Variants in FHIT observed in about 807,000 individuals in gnomAD.
FHIT encodes fragile histidine triad diadenosine triphosphatase.
FHIT carries 19 observed loss-of-function variants against 17.9 expected under a neutral mutation model. The observed-to-expected ratio is 1.06, with a 90% CI of 0.74 to 1.56. The LOEUF (loss-of-function observed/expected upper bound fraction) is 1.56, where lower values mean the gene tolerates loss of function less well. FHIT is among the 40% of genes most tolerant of loss of function. The pLI, the probability that FHIT is intolerant of heterozygous loss-of-function variation, is 0.00. For missense variants in FHIT, 248 were observed against 189.2 expected (o/e 1.31, Z -1.82); for synonymous variants, 81 against 69.7 (o/e 1.16, Z -0.81).
At chr3:60,633,459 A>T (rs927889200) in intron 4 of FHIT, among the ~76,000 whole-genome samples, 2 of 152,232 alleles carry the variant, frequency 1.3e-5, no homozygotes, top group Non-Finnish European at 2.9e-5. Context: ...TTAAGTATAA[A>T]GCGGTAATCT....
chr3:60,049,003 C>CA (rs1312140626), intron 5 of FHIT, among the ~76,000 whole-genome samples: 1 of 152,198 alleles, frequency 6.6e-6, no homozygotes, highest in Non-Finnish European at 1.5e-5. Context: ...TAACCCACAG[C>CA]ACACCAGCAG....
At chr3:60,241,101 G>T (rs1029042761) in intron 5 of FHIT, among the ~76,000 whole-genome samples, 2 of 152,092 alleles carry the variant, frequency 1.3e-5, no homozygotes, top group African/African-American at 2.4e-5. Flanking sequence ...TTTAGGAAAC[G>T]GGGGTGGAAT....
At chr3:60,237,817 C>A (rs1483448901) in intron 5 of FHIT, among the ~76,000 whole-genome samples, 3 of 152,052 alleles carry the variant, frequency 2.0e-5, no homozygotes, top group East Asian at 3.9e-4. Flanking sequence ...CTGGGAGAAG[C>A]AGCTGGTTAG....
At chr3:60,177,147 C>A (rs928000669) in intron 5 of FHIT, among the ~76,000 whole-genome samples, 1 of 151,672 alleles carries the variant, frequency 6.6e-6, no homozygotes, top group Admixed American at 6.6e-5. Context: ...CCACAAATTA[C>A]ACACATGCTT....
intron 5 of FHIT, among the ~76,000 whole-genome samples, chr3:60,102,622 T>TAA (rs368662819): frequency 5.0e-5 from 7 of 139,088 alleles, no homozygotes; most frequent in African/African-American, 1.6e-4. Flanking sequence ...TAAATAAGAA[T>TAA]AAAAAAAAAA....
At chr3:60,852,480 T>G (rs2106918530) in intron 3 of FHIT, among the ~76,000 whole-genome samples, 1 of 152,196 alleles carries the variant, frequency 6.6e-6, no homozygotes, top group Admixed American at 6.5e-5. Context: ...ATGCAAGTAT[T>G]AAACCCAAAC....
At chr3:60,274,869 G>A (rs1360250978) in intron 5 of FHIT, among the ~76,000 whole-genome samples, 2 of 152,062 alleles carry the variant, frequency 1.3e-5, no homozygotes, top group East Asian at 1.9e-4. Flanking sequence ...ATTTAGCATG[G>A]ATAATTGCAA....
At chr3:60,861,799 T>C (rs1703913674) in intron 3 of FHIT, among the ~76,000 whole-genome samples, 1 of 151,888 alleles carries the variant, frequency 6.6e-6, no homozygotes, top group African/African-American at 2.4e-5. Flanking sequence ...AAAATAAATA[T>C]AATCCTTTTT....
intron 2 of FHIT, among the ~76,000 whole-genome samples, chr3:61,075,417 C>T (rs1024422801): frequency 6.6e-6 from 1 of 152,124 alleles, no homozygotes; most frequent in Non-Finnish European, 1.5e-5. Flanking sequence ...GGAATTCACT[C>T]AGAAACAGCT....
At chr3:60,407,067 ATTTTTTT>A (rs34542104) in intron 5 of FHIT, among the ~76,000 whole-genome samples, 22 of 62,904 alleles carry the variant, frequency 3.5e-4, no homozygotes, top group South Asian at 2.8e-3. Flanking sequence ...CCTGCCAATA[ATTTTTTT>A]TTTTTTTTTT....
At chr3:61,050,418 A>C (rs1345115277) in intron 2 of FHIT, among the ~76,000 whole-genome samples, 4 of 152,194 alleles carry the variant, frequency 2.6e-5, no homozygotes, top group African/African-American at 9.6e-5. Context: ...TTAGATTCTG[A>C]CTTGAACAAA....
At chr3:59,852,905 A>G (rs1411204628) in intron 8 of FHIT, among the ~76,000 whole-genome samples, 2 of 151,444 alleles carry the variant, frequency 1.3e-5, no homozygotes, top group African/African-American at 2.4e-5. Context: ...GATGTACCAC[A>G]GTGTATTTAT....
chr3:60,557,675 C>T (rs1200650687), intron 4 of FHIT, among the ~76,000 whole-genome samples: 2 of 151,874 alleles, frequency 1.3e-5, no homozygotes, highest in East Asian at 3.9e-4. Context: ...CTACTTCAAG[C>T]ATATGCCAGT....
chr3:59,851,088 A>G (rs755293374), intron 8 of FHIT, among the ~76,000 whole-genome samples: 6 of 152,218 alleles, frequency 3.9e-5, no homozygotes, highest in Non-Finnish European at 5.9e-5. Flanking sequence ...ATTCTGATCC[A>G]GGACTCAATG....
intron 4 of FHIT, among the ~76,000 whole-genome samples, chr3:60,809,057 C>T (rs1375390925): frequency 1.3e-5 from 2 of 151,854 alleles, no homozygotes; most frequent in African/African-American, 2.4e-5. Context: ...CTAAAATTTC[C>T]CAGTAATCAA....
intron 7 of FHIT, among the ~76,000 whole-genome samples, chr3:59,975,703 T>C (rs1258000792): frequency 7.9e-5 from 12 of 151,922 alleles, no homozygotes. Flanking sequence ...AGCCTAGAAA[T>C]AAAAAGACTC....
chr3:61,013,874 C>A (rs1046709880), intron 3 of FHIT, among the ~76,000 whole-genome samples: 6 of 152,050 alleles, frequency 3.9e-5, no homozygotes, highest in African/African-American at 1.5e-4. Context: ...CAAGAAATAC[C>A]CTAATAAAAC....
At chr3:60,521,462 T>C (rs187419839) in intron 5 of FHIT, among the ~76,000 whole-genome samples, 11 of 152,270 alleles carry the variant, frequency 7.2e-5, no homozygotes, top group Admixed American at 6.5e-5. Flanking sequence ...TTAGCCAGGA[T>C]GGTCTCGATC....
chr3:60,220,011 C>A (rs1450549038), intron 5 of FHIT, among the ~76,000 whole-genome samples: 2 of 152,016 alleles, frequency 1.3e-5, no homozygotes, highest in African/African-American at 4.8e-5. Flanking sequence ...GGACATCAGT[C>A]CCCCTGATAC....
Sources: allele counts gnomAD v4.1 joint callset (sites outside exome capture counted in the v4.1 genomes callset), GRCh38; gene constraint gnomAD v4.1.1; transcripts MANE v1.5; gene names NCBI Gene and HGNC (gene_info 2026-07-23, HGNC 2026-07-21).